The following EFCAB12 variants were observed in gnomAD, a reference collection of about 807,000 sequenced individuals.
The protein encoded by EFCAB12 is EF-hand calcium binding domain 12.
Under a neutral mutation model 53.6 loss-of-function variants are expected in EFCAB12, and 43 were observed. That is an observed-to-expected ratio of 0.80 (90% CI 0.63 to 1.03). The LOEUF is 1.03. Ranked by LOEUF, EFCAB12 falls within the 50% of genes least tolerant of loss-of-function variation. The pLI is 0.00. For missense variants in EFCAB12, 646 were observed against 730.6 expected (o/e 0.88, Z 1.34); for synonymous variants, 269 against 289.2 (o/e 0.93, Z 0.71).
Position 129,428,588 on chromosome 3 carries a change from TC to T in EFCAB12, c.-101del. ...ACCGGGGTATCAGATAAACCGTAAC[TC>T]CAAGTCGTGCGAAAGGCGCTCAGCT... On this transcript the variant is annotated 5_prime_UTR_variant, in exon 1 of 9. Transcript: ENST00000505956. 1 of 1,434,088 alleles carries T rather than the reference TC, an allele frequency of 7.0e-7. No individual in the cohort carries two copies. Among genetic ancestry groups the T allele is most frequent in the East Asian group, 2.5e-5 (1 of 40,248 alleles). The allele number at this position is 1,434,088 out of a possible 1,614,324, so 88.8% of individuals were successfully genotyped here.
Position 129,415,437 on chromosome 3 carries a change from C to G in EFCAB12, c.682-36G>C, listed in dbSNP as rs763667495. On this transcript the variant is annotated intron_variant, in intron 3 of 8. Coordinates refer to ENST00000505956, the MANE Select transcript of EFCAB12 (RefSeq NM_207307.3). ...AGAAGACCTTCAGACTAGCAGGCTC[C>G]CATCCAAACATCCTGCTCTGATGGC... 4 of 1,610,818 alleles carry G rather than the reference C, an allele frequency of 2.5e-6. No individual in the cohort carries two copies. In the South Asian group the frequency reaches 3.3e-5, roughly 13 times the overall value.
chr3:129,410,928 G>A (rs2072028808), intron 5 of EFCAB12, among the ~76,000 whole-genome samples: 2 of 152,216 alleles, frequency 1.3e-5, no homozygotes, highest in Admixed American at 1.3e-4. Flanking sequence ...AGAATAGGGA[G>A]AGGGGGACGT....
chr3:129,401,966 C>A, intron 8 of EFCAB12, 115 bp from the exon 9 acceptor site: 1 of 1,379,840 alleles, frequency 7.2e-7, no homozygotes, highest in Non-Finnish European at 9.7e-7. Context: ...GTGCCAAGCA[C>A]TTCAGCACCT....
At chr3:129,421,870 A>G in intron 1 of EFCAB12, 67 bp from the exon 2 acceptor site, 1 of 1,472,780 alleles carries the variant, frequency 6.8e-7, no homozygotes, top group African/African-American at 1.4e-5. Context: ...CAGGAAGGAA[A>G]AACACTTTTG....
At chr3:129,419,291 G>A (rs1389579988) in intron 2 of EFCAB12, among the ~76,000 whole-genome samples, 1 of 152,184 alleles carries the variant, frequency 6.6e-6, no homozygotes, top group African/African-American at 2.4e-5. Context: ...GCTAGCAAAA[G>A]TAAAAGTGTG....
chr3:129,402,664 G>C (rs193209224), intron 7 of EFCAB12, 85 bp from the exon 8 acceptor site: 1 of 1,314,678 alleles, frequency 7.6e-7, no homozygotes, highest in East Asian at 2.4e-5. Context: ...GGCCGCAGGG[G>C]TGGACCCGTT....
chr3:129,408,166 C>T (rs1425722203), intron 6 of EFCAB12, among the ~76,000 whole-genome samples: 1 of 152,226 alleles, frequency 6.6e-6, no homozygotes, highest in Admixed American at 6.5e-5. Flanking sequence ...CAGGTCCTGT[C>T]TCCACGTGCT....
chr3:129,425,680 G>T (rs2072262317), intron 1 of EFCAB12, among the ~76,000 whole-genome samples: 2 of 152,188 alleles, frequency 1.3e-5, no homozygotes, highest in South Asian at 4.1e-4. Context: ...GACAGAAAGG[G>T]AAATGGGCTC....
chr3:129,423,761 G>T (rs531468907), intron 1 of EFCAB12, among the ~76,000 whole-genome samples: 1 of 152,090 alleles, frequency 6.6e-6, no homozygotes, highest in African/African-American at 2.4e-5. Flanking sequence ...TAAAGTTCAA[G>T]CTCCTTAACC....
intron 1 of EFCAB12, among the ~76,000 whole-genome samples, chr3:129,423,163 G>A (rs1326398291): frequency 1.3e-5 from 2 of 152,188 alleles, no homozygotes; most frequent in African/African-American, 4.8e-5. Context: ...ACTTCAGTTT[G>A]TCTGGCCCCA....
In EFCAB12 at chr3:129,411,146, C is replaced by T; in HGVS notation, c.1035+12G>A. On this transcript the variant is annotated intron_variant, in intron 5 of 8. Coordinates refer to ENST00000505956, the MANE Select transcript of EFCAB12 (RefSeq NM_207307.3). ...CCCCAAGCCGCATGCTCTCCTTGGG[C>T]TGGCGAGGTACCTTGTGCTGTCGCT... 1.2e-5 allele frequency: 19 copies of T among 1,557,504 alleles called. No individual in the cohort carries two copies. The highest frequency in any genetic ancestry group is 1.6e-5 in the Non-Finnish European group (19 of 1,152,156).
At chr3:129,415,866 T>A (rs1286063511) in intron 3 of EFCAB12, among the ~76,000 whole-genome samples, 2 of 152,244 alleles carry the variant, frequency 1.3e-5, no homozygotes, top group East Asian at 1.9e-4. Context: ...CTCATTCTTT[T>A]AAGGACGATG....
intron 1 of EFCAB12, among the ~76,000 whole-genome samples, chr3:129,426,872 G>C (rs2072279572): frequency 7.2e-6 from 1 of 138,544 alleles, no homozygotes; most frequent in South Asian, 2.3e-4. Context: ...TTTTGAGATG[G>C]TGTCTTGCTC....
At chr3:129,417,372 A>G (rs960835447) in intron 3 of EFCAB12, among the ~76,000 whole-genome samples, 1 of 151,774 alleles carries the variant, frequency 6.6e-6, no homozygotes, top group Non-Finnish European at 1.5e-5. Flanking sequence ...CAAAAAAAAA[A>G]AAAACTAAAA....
At position 129,428,614 on chromosome 3, in the gene EFCAB12, T is replaced by C. The variant is rs2072299238; in HGVS notation, c.-126A>G. 2 of 1,213,944 alleles carry C rather than the reference T, an allele frequency of 1.6e-6. No individual in the cohort carries two copies. Among genetic ancestry groups the C allele is most frequent in the Non-Finnish European group, 2.3e-6 (2 of 870,990 alleles). The allele number at this position is 1,213,944 out of a possible 1,614,324, so 75.2% of individuals were successfully genotyped here. A position where few individuals can be genotyped will look rare whatever the true frequency, so the allele number is the denominator to read the frequency against. ...CCAAGTCGTGCGAAAGGCGCTCAGCTCAGACTGCAGAAGCAACCTGTTGCC... is the reference window on the plus strand; with the variant it reads ...CCAAGTCGTGCGAAAGGCGCTCAGCCCAGACTGCAGAAGCAACCTGTTGCC... On this transcript the variant is annotated 5_prime_UTR_variant, in exon 1 of 9. Coordinates refer to ENST00000505956, the MANE Select transcript of EFCAB12 (RefSeq NM_207307.3).
chr3:129,426,858 T>G (rs2072279350), intron 1 of EFCAB12, among the ~76,000 whole-genome samples: 1 of 147,324 alleles, frequency 6.8e-6, no homozygotes, highest in African/African-American at 2.5e-5. Context: ...TTTTTTTTTT[T>G]TTTTTTTGAG....
rs557943983 is a variant in EFCAB12 at position 129,407,095 on chromosome 3, T to C, written c.1249+1550A>G. Among the ~76,000 whole-genome samples the C allele has an allele frequency of 5.3e-5, 8 of 152,288 alleles. No homozygotes were observed. In the East Asian group the frequency reaches 1.4e-3, roughly 26 times the overall value. ...GTCCATGGGTGGGTGCTAATCCAAT[T>C]TGACTGGTGTCCTTATAAGAGAAAA... On this transcript the variant is annotated intron_variant, in intron 6 of 8. Coordinates refer to ENST00000505956, the MANE Select transcript of EFCAB12 (RefSeq NM_207307.3).
intron 1 of EFCAB12, among the ~76,000 whole-genome samples, chr3:129,423,654 T>C (rs1451255250): frequency 1.3e-5 from 2 of 152,180 alleles, no homozygotes; most frequent in East Asian, 1.9e-4. Flanking sequence ...AGAAGGGATA[T>C]AACAATCTTA....
intron 8 of EFCAB12, among the ~76,000 whole-genome samples, chr3:129,402,238 G>A (rs6789863): frequency 0.013 from 2,037 of 152,292 alleles, 43 homozygotes; most frequent in African/African-American, 0.045. Flanking sequence ...GTAGATGTGC[G>A]ACTCTGAGCA....
Sources: allele counts gnomAD v4.1 joint callset (sites outside exome capture counted in the v4.1 genomes callset), GRCh38; gene constraint gnomAD v4.1.1; transcripts MANE v1.5; gene names NCBI Gene and HGNC (gene_info 2026-07-23, HGNC 2026-07-21).